The following FAM184A variants were observed in gnomAD, a reference collection of about 807,000 sequenced individuals.
FAM184A encodes family with sequence similarity 184 member A.
In FAM184A, 99 loss-of-function variants were observed where a neutral mutation model predicts 143.8. The ratio of observed to expected loss-of-function variants is 0.69; its 90% CI spans 0.58 to 0.81. FAM184A has a LOEUF of 0.81. Among genes scored for constraint, FAM184A ranks in the 40% least tolerant of loss-of-function variants. The pLI, the probability that FAM184A is intolerant of heterozygous loss-of-function variation, is 0.00. For missense variants in FAM184A, 1,217 were observed against 1,310.5 expected (o/e 0.93, Z 1.10); for synonymous variants, 427 against 446.4 (o/e 0.96, Z 0.55).
intron 1 of FAM184A, among the ~76,000 whole-genome samples, chr6:119,046,226 CTT>C (rs201528290): frequency 3.0e-4 from 42 of 142,216 alleles, no homozygotes; most frequent in Non-Finnish European, 3.4e-4. Flanking sequence ...AAATGTATAC[CTT>C]TTTTTTTTTT....
intron 16 of FAM184A, chr6:118,962,766 T>A (rs1020221798): frequency 3.9e-5 from 6 of 152,250 alleles, no homozygotes; most frequent in African/African-American, 1.4e-4. Flanking sequence ...TTCACTAACT[T>A]TAGTCTCAAA....
At chr6:118,961,289 C>T (rs1783314912) in intron 17 of FAM184A, among the ~76,000 whole-genome samples, 1 of 149,440 alleles carries the variant, frequency 6.7e-6, no homozygotes, top group Non-Finnish European at 1.5e-5. Flanking sequence ...ATTTAAGTTC[C>T]CAGAGTTTAC....
intron 1 of FAM184A, among the ~76,000 whole-genome samples, chr6:119,061,531 C>CTTTTTTTTTTTTTTTTTTTTTTTTT (rs977029986): frequency 6.8e-5 from 4 of 58,530 alleles, no homozygotes; most frequent in Admixed American, 2.0e-4. Context: ...AATTATTTTT[C>CTTTTTTTTTTTTTTTTTTTTTTTTT]TTTTTTTTTT....
chr6:119,131,567 C>G (rs1387613643), intron 1 of FAM184A, among the ~76,000 whole-genome samples: 1 of 152,178 alleles, frequency 6.6e-6, no homozygotes, highest in African/African-American at 2.4e-5. Context: ...CTCCCCGCAG[C>G]TTCAACCTCC....
chr6:119,058,175 CTTTTTTTTTTTTT>C (rs5879483), intron 1 of FAM184A, among the ~76,000 whole-genome samples: 1 of 89,716 alleles, frequency 1.1e-5, no homozygotes, highest in East Asian at 2.7e-4. Flanking sequence ...CTCCTTCTCT[CTTTTTTTTTTTTT>C]TTTTTTTTTT....
At chr6:119,026,607 A>C (rs1345310340) in intron 1 of FAM184A, among the ~76,000 whole-genome samples, 1 of 152,210 alleles carries the variant, frequency 6.6e-6, no homozygotes, top group Non-Finnish European at 1.5e-5. Context: ...TGGATTGGAC[A>C]TGCTGGGCTT....
chr6:119,083,288 A>T (rs888019416), upstream of FAM184A, among the ~76,000 whole-genome samples: 4 of 152,240 alleles, frequency 2.6e-5, no homozygotes, highest in South Asian at 2.1e-4. Context: ...TGCTCTGTAG[A>T]TATTTTCCCC....
At position 119,078,248 on chromosome 6, in the gene FAM184A, C is replaced by T. The variant is rs1787950194; in HGVS notation, c.52G>A (p.Ala18Thr). The T allele has an allele frequency of 6.6e-7, 1 of 1,519,030 alleles. No homozygotes were observed. The highest frequency in any genetic ancestry group is 1.4e-5 in the African/African-American group (1 of 72,370). 94.1% of individuals were successfully genotyped at this position (1,519,030 alleles called of 1,614,324 possible). Residue 18 changes from alanine (A) to threonine (T), a missense_variant, in exon 1 of 18, where the codon GCC becomes ACC. By Grantham distance (58) the Ala-to-Thr change is moderately conservative. Coordinates refer to ENST00000338891, the MANE Select transcript of FAM184A (RefSeq NM_024581.6). The surrounding 1 kb of genome is among the most constrained non-coding windows in gnomAD (Gnocchi z 5.5). ...GTGGCCGGCGAGGGCGCGAATTTGG[C>T]CGCCGAGCCGCCGTAATAGTGCTGC... ...WQQHYYGGSA[A>T]KFAPSPATAQ...
intron 1 of FAM184A, among the ~76,000 whole-genome samples, chr6:119,060,328 A>G (rs1048593266): frequency 3.3e-5 from 5 of 152,192 alleles, no homozygotes; most frequent in Non-Finnish European, 5.9e-5. Flanking sequence ...ATATCTGGTC[A>G]ATAATATCTT....
chr6:119,101,135 C>T (rs957910671), intron 1 of FAM184A, among the ~76,000 whole-genome samples: 3 of 145,258 alleles, frequency 2.1e-5, no homozygotes, highest in Admixed American at 1.4e-4. Flanking sequence ...GGCATGATCT[C>T]GGCTCACTGC....
chr6:119,076,169 C>T (rs1363674668), intron 1 of FAM184A, among the ~76,000 whole-genome samples: 1 of 152,142 alleles, frequency 6.6e-6, no homozygotes, highest in Non-Finnish European at 1.5e-5. Flanking sequence ...GGGATGCTGC[C>T]AAACATCCTA....
At chr6:119,107,013 A>G (rs1423426902) in intron 1 of FAM184A, among the ~76,000 whole-genome samples, 1 of 152,222 alleles carries the variant, frequency 6.6e-6, no homozygotes, top group Non-Finnish European at 1.5e-5. Context: ...TTTGTAGGCC[A>G]TATATTACTT....
chr6:119,121,693 C>T (rs1244749156), intron 1 of FAM184A, among the ~76,000 whole-genome samples: 1 of 152,100 alleles, frequency 6.6e-6, no homozygotes, highest in Admixed American at 6.6e-5. Context: ...GTAAATTAAC[C>T]CATCAGCTAT....
chr6:119,141,173 G>C (rs1283825921), intron 1 of FAM184A, among the ~76,000 whole-genome samples: 1 of 152,248 alleles, frequency 6.6e-6, no homozygotes, highest in Non-Finnish European at 1.5e-5. Flanking sequence ...TAGACCCAGA[G>C]AGCATAAAAT....
intron 15 of FAM184A, among the ~76,000 whole-genome samples, chr6:118,966,406 G>A (rs1022333623): frequency 2.6e-5 from 4 of 152,048 alleles, no homozygotes; most frequent in Non-Finnish European, 5.9e-5. Flanking sequence ...TTGGATTAGT[G>A]TTTGCTAGGA....
Position 119,134,683 on chromosome 6 carries a change from A to G in FAM184A, c.-202+14395T>C, listed in dbSNP as rs567796830. The stretch of plus-strand genomic sequence containing the variant: ...AAAAAAAAAAAAGAGAAAGAAATAA[A>G]AAAAGAAAAAAAAGTGTATCACTTC... On this transcript the variant is annotated intron_variant, in intron 1 of 16. Transcript: ENST00000352896. Among the ~76,000 whole-genome samples, 3 of 152,050 alleles carry G rather than the reference A, an allele frequency of 2.0e-5. No individual in the cohort carries two copies. The East Asian group carries it at 5.8e-4, about 29-fold the overall frequency.
intron 8 of FAM184A, 135 bp downstream of exon 8, chr6:119,003,366 C>A (rs1582490213): frequency 1.1e-6 from 1 of 885,408 alleles, no homozygotes; most frequent in Non-Finnish European, 1.6e-6. Context: ...AATCCAATTT[C>A]TCTGTCTCTA....
At chr6:119,027,803 A>G (rs1362127056) in intron 1 of FAM184A, among the ~76,000 whole-genome samples, 1 of 152,108 alleles carries the variant, frequency 6.6e-6, no homozygotes, top group Non-Finnish European at 1.5e-5. Flanking sequence ...GGAAATGAAG[A>G]CTAAATTTTA....
intron 1 of FAM184A, among the ~76,000 whole-genome samples, chr6:119,132,773 C>A (rs575599533): frequency 6.6e-6 from 1 of 152,212 alleles, no homozygotes; most frequent in East Asian, 1.9e-4. Context: ...GAAGTTGGCA[C>A]GTGAGGTGAA....
Sources: gnomAD v4.1 joint callset for allele counts (sites outside exome capture counted in the v4.1 genomes callset) on GRCh38, gnomAD v4.1.1 for gene constraint, Gnocchi (gnomAD v3.1) non-coding constraint, MANE v1.5 for transcripts, NCBI Gene and HGNC (gene_info 2026-07-23, HGNC 2026-07-21) for gene names.